Variants in RAB3C observed in about 807,000 individuals in gnomAD.
RAB3C encodes ras-related protein Rab-3C.
In RAB3C, 17 loss-of-function variants were observed where a neutral mutation model predicts 26.4. That is an observed-to-expected ratio of 0.64 (90% CI 0.44 to 0.97). The LOEUF (loss-of-function observed/expected upper bound fraction) is 0.97. RAB3C is among the 50% of genes least tolerant of loss of function. The pLI, the probability that RAB3C is intolerant of heterozygous loss-of-function variation, is 0.00. For missense variants in RAB3C, 242 were observed against 281.9 expected (o/e 0.86, Z 1.01); for synonymous variants, 91 against 95.9 (o/e 0.95, Z 0.30).
At chr5:58,674,659 T>C (rs976659651) in intron 2 of RAB3C, among the ~76,000 whole-genome samples, 1 of 152,172 alleles carries the variant, frequency 6.6e-6, no homozygotes, top group Non-Finnish European at 1.5e-5. Flanking sequence ...TTTCCAATAG[T>C]ATGAAGTTGA....
intron 2 of RAB3C, among the ~76,000 whole-genome samples, chr5:58,721,248 CAA>C (rs61668251): frequency 0.036 from 3,845 of 106,496 alleles, 43 homozygotes; most frequent in Non-Finnish European, 0.05. Flanking sequence ...ATTTTTTTTT[CAA>C]AAAAAAAAAA....
At chr5:58,790,145 G>A (rs1328917729) in intron 3 of RAB3C, among the ~76,000 whole-genome samples, 1 of 152,142 alleles carries the variant, frequency 6.6e-6, no homozygotes, top group African/African-American at 2.4e-5. Context: ...AACTCAGCAT[G>A]TCCAAAATAG....
chr5:58,668,211 CT>C (rs796436931), intron 2 of RAB3C, among the ~76,000 whole-genome samples: 70 of 152,250 alleles, frequency 4.6e-4, no homozygotes, highest in African/African-American at 1.5e-3. Context: ...TGTCATGTTC[CT>C]TCCTTTCCTC....
chr5:58,845,612 A>ATATATATG, intron 4 of RAB3C, among the ~76,000 whole-genome samples: 35 of 81,724 alleles, frequency 4.3e-4, no homozygotes, highest in African/African-American at 1.9e-3. Flanking sequence ...ATATATATAT[A>ATATATATG]TGTGTGTGTG....
chr5:58,595,805 G>A (rs1030757981), intron 1 of RAB3C, among the ~76,000 whole-genome samples: 1 of 152,024 alleles, frequency 6.6e-6, no homozygotes, highest in Non-Finnish European at 1.5e-5. Context: ...GTTTTTTGCT[G>A]CCAAGAAATG....
chr5:58,781,651 C>T (rs760178406), intron 3 of RAB3C, among the ~76,000 whole-genome samples: 5 of 152,056 alleles, frequency 3.3e-5, no homozygotes, highest in African/African-American at 1.2e-4. Flanking sequence ...CATCAGCCTG[C>T]GCAGAATCTA....
At chr5:58,639,524 GGA>G (rs1747367144) in intron 2 of RAB3C, among the ~76,000 whole-genome samples, 1 of 152,144 alleles carries the variant, frequency 6.6e-6, no homozygotes. Flanking sequence ...GGCAGAGAGA[GGA>G]GAGAGAGCCC....
intron 2 of RAB3C, among the ~76,000 whole-genome samples, chr5:58,649,326 G>T (rs2591914): frequency 0.69 from 105,182 of 151,606 alleles, 37,127 homozygotes; most frequent in African/African-American, 0.83. Context: ...ATTTGACATA[G>T]CACGTCAGCA....
chr5:58,675,180 T>C (rs1748197401), intron 2 of RAB3C, among the ~76,000 whole-genome samples: 1 of 152,110 alleles, frequency 6.6e-6, no homozygotes, highest in Non-Finnish European at 1.5e-5. Context: ...GAAAAACATT[T>C]TTTATGAAAA....
At chr5:58,804,465 G>A (rs562608888) in intron 3 of RAB3C, among the ~76,000 whole-genome samples, 39 of 152,286 alleles carry the variant, frequency 2.6e-4, no homozygotes, top group Middle Eastern at 3.4e-3. Flanking sequence ...ACATGAGCAA[G>A]CCACTCAGGA....
intron 2 of RAB3C, among the ~76,000 whole-genome samples, chr5:58,677,181 A>G (rs1436048001): frequency 6.6e-6 from 1 of 152,174 alleles, no homozygotes; most frequent in Non-Finnish European, 1.5e-5. Flanking sequence ...TTATAAAGAC[A>G]CTAGTCATAT....
chr5:58,671,853 G>A (rs1446272283), intron 2 of RAB3C, among the ~76,000 whole-genome samples: 1 of 152,026 alleles, frequency 6.6e-6, no homozygotes, highest in Non-Finnish European at 1.5e-5. Flanking sequence ...GAAATACTGA[G>A]AATATACTGC....
intron 3 of RAB3C, among the ~76,000 whole-genome samples, chr5:58,752,553 CAAG>C (rs1056266167): frequency 1.3e-5 from 2 of 151,464 alleles, no homozygotes; most frequent in Admixed American, 6.6e-5. Context: ...CTTTAGGGTT[CAAG>C]GTTTTGTGGT....
chr5:58,677,180 C>T (rs921752621), intron 2 of RAB3C, among the ~76,000 whole-genome samples: 1 of 152,134 alleles, frequency 6.6e-6, no homozygotes, highest in African/African-American at 2.4e-5. Context: ...TTTATAAAGA[C>T]ACTAGTCATA....
intron 2 of RAB3C, chr5:58,644,264 G>A (rs1161923007): frequency 9.2e-5 from 14 of 152,166 alleles, no homozygotes; most frequent in African/African-American, 3.1e-4. Context: ...TGGATTCTAC[G>A]AATTGGATTT....
At chr5:58,789,369 A>G (rs907045426) in intron 3 of RAB3C, among the ~76,000 whole-genome samples, 4 of 152,190 alleles carry the variant, frequency 2.6e-5, no homozygotes, top group African/African-American at 7.2e-5. Context: ...CCTTAAGCCT[A>G]TTATCCGCAG....
intron 3 of RAB3C, among the ~76,000 whole-genome samples, chr5:58,760,896 T>C (rs1741780819): frequency 6.6e-6 from 1 of 152,234 alleles, no homozygotes; most frequent in African/African-American, 2.4e-5. Flanking sequence ...CAGTGGAGTC[T>C]ATTTGCTGAT....
chr5:58,646,779 G>C (rs971495582), intron 2 of RAB3C, among the ~76,000 whole-genome samples: 1 of 152,086 alleles, frequency 6.6e-6, no homozygotes, highest in East Asian at 1.9e-4. Flanking sequence ...CTCTAGGGTG[G>C]GTTTTAGTGC....
At chr5:58,673,415 C>A (rs1433129673) in intron 2 of RAB3C, among the ~76,000 whole-genome samples, 1 of 150,696 alleles carries the variant, frequency 6.6e-6, no homozygotes, top group East Asian at 2.0e-4. Flanking sequence ...AAGTGGGGAG[C>A]GGTTTCTTTC....
Sources: gnomAD v4.1 joint callset for allele counts (sites outside exome capture counted in the v4.1 genomes callset) on GRCh38, gnomAD v4.1.1 for gene constraint, MANE v1.5 for transcripts, NCBI Gene and HGNC (gene_info 2026-07-23, HGNC 2026-07-21) for gene names.